The following THSD7B variants were observed in gnomAD, a reference collection of about 807,000 sequenced individuals.
THSD7B encodes the protein thrombospondin type 1 domain containing 7B.
Under a neutral mutation model 213.6 loss-of-function variants are expected in THSD7B, and 138 were observed. That is an observed-to-expected ratio of 0.65 (90% CI 0.56 to 0.74). The LOEUF (loss-of-function observed/expected upper bound fraction) is 0.74. THSD7B is among the 30% of genes least tolerant of loss of function. THSD7B has a pLI of 0.00. For synonymous variants in THSD7B, 742 were observed against 687.0 expected (o/e 1.08, Z -1.25); for missense variants, 1,931 against 1,991.5 (o/e 0.97, Z 0.58).
At chr2:137,031,152 T>A (rs1225191167) in intron 2 of THSD7B, among the ~76,000 whole-genome samples, 2 of 152,086 alleles carry the variant, frequency 1.3e-5, no homozygotes, top group African/African-American at 2.4e-5. Flanking sequence ...GAGACCAGCC[T>A]GGCCAACATG....
chr2:137,069,157 G>A (rs1687433221), intron 3 of THSD7B, among the ~76,000 whole-genome samples: 1 of 151,892 alleles, frequency 6.6e-6, no homozygotes, highest in Non-Finnish European at 1.5e-5. Flanking sequence ...ATTTTGACAG[G>A]AGTTTCTCTG....
At chr2:137,426,394 A>G (rs758055367) in intron 14 of THSD7B, among the ~76,000 whole-genome samples, 7 of 152,184 alleles carry the variant, frequency 4.6e-5, no homozygotes, top group Non-Finnish European at 7.4e-5. Flanking sequence ...CAAGAAGAAC[A>G]AAGCTGGAGG....
intron 5 of THSD7B, among the ~76,000 whole-genome samples, chr2:137,139,052 C>A (rs1295093532): frequency 6.6e-6 from 1 of 152,064 alleles, no homozygotes; most frequent in Admixed American, 6.6e-5. Context: ...TTCTATCACT[C>A]AACATTCTGT....
chr2:136,887,536 G>T (rs974378791), intron 2 of THSD7B, among the ~76,000 whole-genome samples: 33 of 152,122 alleles, frequency 2.2e-4, no homozygotes, highest in African/African-American at 7.9e-4. Context: ...TGCTTTATTA[G>T]TTCCTGAGAG....
intron 7 of THSD7B, among the ~76,000 whole-genome samples, chr2:137,178,029 C>T (rs1680390528): frequency 6.7e-6 from 1 of 148,968 alleles, no homozygotes; most frequent in Admixed American, 6.7e-5. Context: ...CAAGATTGCG[C>T]CACTGTACTC....
chr2:137,558,235 C>A (rs1280427325), intron 15 of THSD7B, among the ~76,000 whole-genome samples: 6 of 152,120 alleles, frequency 3.9e-5, no homozygotes, highest in African/African-American at 9.7e-5. Context: ...CATCCTGATA[C>A]CAAAGCCTGG....
intron 1 of THSD7B, among the ~76,000 whole-genome samples, chr2:136,858,380 T>C (rs1683207223): frequency 6.6e-6 from 1 of 152,216 alleles, no homozygotes; most frequent in Middle Eastern, 3.2e-3. Flanking sequence ...TGGTTTATTC[T>C]CAGCTCTCTT....
intron 27 of THSD7B, among the ~76,000 whole-genome samples, chr2:137,668,335 G>A (rs1683489915): frequency 6.6e-6 from 1 of 151,694 alleles, no homozygotes; most frequent in African/African-American, 2.4e-5. Context: ...GAATGGTTAG[G>A]TTAAAATGAC....
intron 12 of THSD7B, among the ~76,000 whole-genome samples, chr2:137,337,293 G>T (rs1300081763): frequency 1.3e-5 from 2 of 151,944 alleles, no homozygotes; most frequent in African/African-American, 4.8e-5. Flanking sequence ...CCCAGTCTGG[G>T]ACAGTTCTTC....
At chr2:136,859,769 A>G (rs1479359243) in intron 1 of THSD7B, among the ~76,000 whole-genome samples, 2 of 152,260 alleles carry the variant, frequency 1.3e-5, no homozygotes, top group East Asian at 3.9e-4. Context: ...TTAAAAAGAG[A>G]AGTAGTATAG....
At chr2:137,269,737 G>C (rs1248398894) in intron 10 of THSD7B, among the ~76,000 whole-genome samples, 1 of 152,138 alleles carries the variant, frequency 6.6e-6, no homozygotes, top group East Asian at 1.9e-4. Flanking sequence ...AATAAAGATA[G>C]CTTTTTGTAT....
intron 25 of THSD7B, 111 bp downstream of exon 25, chr2:137,659,857 G>T: frequency 1.0e-6 from 1 of 981,962 alleles, no homozygotes; most frequent in Non-Finnish European, 1.5e-6. Context: ...ACGTGCCCAT[G>T]ATACCATCTA....
In THSD7B at chr2:137,411,645, AC is replaced by A. The variant is rs1686655823; in HGVS notation, c.2734del (p.Leu912PhefsTer4). ...SRKKEKCQDSDLYPLVETELC... is the reference protein window; with the variant it reads ...SRKKEKCQDSXLYPLVETELC... ...AAGAAGGAGAAATGCCAGGATTCTG[AC>A]CTTTACCCTCTAGTGGAGACAGAAC... is the stretch of plus-strand genomic sequence containing the variant. On this transcript the variant is annotated frameshift_variant, in exon 14 of 28. Coordinates refer to ENST00000409968, the MANE Select transcript of THSD7B (RefSeq NM_001316349.2). LOFTEE classifies it high-confidence loss of function. 1 of 1,613,712 alleles carries A rather than the reference AC, an allele frequency of 6.2e-7. No homozygotes were observed. Among genetic ancestry groups the A allele is most frequent in the Non-Finnish European group, 8.5e-7 (1 of 1,179,788 alleles).
intron 12 of THSD7B, among the ~76,000 whole-genome samples, chr2:137,390,893 G>GT (rs111491372): frequency 0.017 from 2,518 of 152,186 alleles, 69 homozygotes; most frequent in African/African-American, 0.057. Context: ...CTTGATCATG[G>GT]TGTATTTTTT....
intron 12 of THSD7B, among the ~76,000 whole-genome samples, chr2:137,359,038 G>T (rs1685197335): frequency 6.6e-6 from 1 of 152,312 alleles, no homozygotes; most frequent in Admixed American, 6.5e-5. Context: ...CGCTTTATCT[G>T]TAGATGTCAA....
rs114797382 is a variant in THSD7B, at chr2:137,053,234, C to T, written c.140-3186C>T. Among the ~76,000 whole-genome samples, 763 of 151,986 alleles carry T rather than the reference C, an allele frequency of 5.0e-3. 6 individuals are homozygous for T. Among genetic ancestry groups the T allele is most frequent in the African/African-American group, 0.017 (698 of 41,446 alleles). On this transcript the variant is annotated intron_variant, in intron 2 of 27. Transcript: ENST00000409968. ...CCAAAATTAATATAGCTTAATATTC[C>T]TTTGGATAATTTTTAGAGTTAATAT... is the stretch of plus-strand genomic sequence containing the variant.
At chr2:137,049,425 C>A (rs1170686743) in intron 2 of THSD7B, among the ~76,000 whole-genome samples, 2 of 152,338 alleles carry the variant, frequency 1.3e-5, no homozygotes, top group Admixed American at 1.3e-4. Flanking sequence ...TTACCTTGTG[C>A]AGGTTCTTTG....
chr2:137,655,557 T>C lies in THSD7B; in HGVS notation c.4002T>C (p.Ser1334=). 6.2e-7 allele frequency: 1 copy of C among 1,612,720 alleles called. No homozygotes were observed. Among genetic ancestry groups the C allele is most frequent in the Non-Finnish European group, 8.5e-7 (1 of 1,179,424 alleles). Residue 1334 remains serine, a synonymous_variant, in exon 22 of 28, where the codon AGT becomes AGC. Transcript: ENST00000409968. ...GCAGCCTTTCCTGCATGGTCCACAG[T>C]GGTTCAATATCTCATGCAGCTGGAC... ...QIRSLSCMVH[S]GSISHAAGRV... is the part of the protein sequence containing the mutation.
In THSD7B at chr2:137,271,388, T is replaced by TA. The variant is rs561561906; in HGVS notation, c.2267-1145_2267-1144insA. On this transcript the variant is annotated intron_variant, in intron 10 of 27. Coordinates refer to ENST00000409968, the MANE Select transcript of THSD7B (RefSeq NM_001316349.2). The stretch of plus-strand genomic sequence containing the variant: ...ATGGCTTCATTCATATATATATATA[T>TA]TATGAATTATATATATATGAATTAT... 4.7e-4 allele frequency among the ~76,000 whole-genome samples: 66 copies of TA among 139,480 alleles called. 1 individual carries two copies. In the East Asian group the frequency reaches 0.013, roughly 27 times the overall value. The allele number at this position is 139,480 out of a possible 152,430, so 91.5% of individuals were successfully genotyped here.
Sources: gnomAD v4.1 joint callset for allele counts (sites outside exome capture counted in the v4.1 genomes callset) on GRCh38, gnomAD v4.1.1 for gene constraint, MANE v1.5 for transcripts, NCBI Gene and HGNC (gene_info 2026-07-23, HGNC 2026-07-21) for gene names.